Variants in SPMIP2 observed in about 807,000 individuals in gnomAD.
SPMIP2 encodes the protein sperm microtubule inner protein 2.
At chr4:158,999,182 C>CA in the SPMIP2 span, among the ~76,000 whole-genome samples, 2 of 134,484 alleles carry the variant, frequency 1.5e-5, no homozygotes, top group Non-Finnish European at 1.6e-5. Context: ...AAAAAAAAAA[C>CA]AACAAAAAAA....
the SPMIP2 span, among the ~76,000 whole-genome samples, chr4:159,049,992 A>T: frequency 6.6e-6 from 1 of 152,212 alleles, no homozygotes; most frequent in East Asian, 1.9e-4. Context: ...TCTTGATAAC[A>T]TGTCAAGTAA....
chr4:158,990,701 C>T, the SPMIP2 span, among the ~76,000 whole-genome samples: 1 of 152,040 alleles, frequency 6.6e-6, no homozygotes, highest in African/African-American at 2.4e-5. Context: ...CACATGGACA[C>T]AGGCAGGGAA....
the SPMIP2 span, among the ~76,000 whole-genome samples, chr4:158,922,884 G>A: frequency 6.6e-6 from 1 of 152,110 alleles, no homozygotes; most frequent in Non-Finnish European, 1.5e-5. Flanking sequence ...TTCAAGAATT[G>A]TCCATGTTGT....
the SPMIP2 span, among the ~76,000 whole-genome samples, chr4:158,968,270 C>G: frequency 2.0e-5 from 3 of 152,202 alleles, no homozygotes; most frequent in Admixed American, 6.5e-5. Flanking sequence ...CTCAAATAAT[C>G]CATCCTCCTC....
At chr4:158,901,128 A>ATTTTTTTTTTTTTTTTTTTTTTTTTTT in the SPMIP2 span, among the ~76,000 whole-genome samples, 1 of 112,302 alleles carries the variant, frequency 8.9e-6, no homozygotes, top group Non-Finnish European at 1.7e-5. Context: ...CTGGGTTGAA[A>ATTTTTTTTTTTTTTTTTTTTTTTTTTT]TTTTTTTTTT....
chr4:159,080,665 T>C, the SPMIP2 span, among the ~76,000 whole-genome samples: 1 of 152,248 alleles, frequency 6.6e-6, no homozygotes, highest in Non-Finnish European at 1.5e-5. Flanking sequence ...TATGTATATA[T>C]AGCTATACCT....
chr4:158,935,563 C>CA, the SPMIP2 span, among the ~76,000 whole-genome samples: 32 of 151,250 alleles, frequency 2.1e-4, no homozygotes, highest in Non-Finnish European at 3.7e-4. Flanking sequence ...TCTAATGATA[C>CA]AAAAAAAAAG....
chr4:158,924,003 A>C, the SPMIP2 span, among the ~76,000 whole-genome samples: 1 of 152,204 alleles, frequency 6.6e-6, no homozygotes, highest in African/African-American at 2.4e-5. Context: ...CCTTTATCCA[A>C]TAGGACAGGT....
At chr4:158,899,392 C>G in the SPMIP2 span, among the ~76,000 whole-genome samples, 1 of 152,190 alleles carries the variant, frequency 6.6e-6, no homozygotes, top group African/African-American at 2.4e-5. Flanking sequence ...AGAAGTCCCT[C>G]TTTTTCTATT....
the SPMIP2 span, among the ~76,000 whole-genome samples, chr4:159,074,818 C>G: frequency 1.3e-5 from 2 of 152,114 alleles, no homozygotes; most frequent in Non-Finnish European, 1.5e-5. Context: ...CAGAGACCCT[C>G]ATAACATGAG....
chr4:158,946,861 A>T, the SPMIP2 span, among the ~76,000 whole-genome samples: 1 of 152,202 alleles, frequency 6.6e-6, no homozygotes, highest in African/African-American at 2.4e-5. Context: ...TGTCTTGTTC[A>T]CTTCTGAATC....
chr4:159,019,664 G>A, the SPMIP2 span, among the ~76,000 whole-genome samples: 1 of 152,144 alleles, frequency 6.6e-6, no homozygotes, highest in Non-Finnish European at 1.5e-5. Flanking sequence ...AAAGTTCAGT[G>A]TCCTGGGAAT....
At chr4:158,988,114 C>A in the SPMIP2 span, among the ~76,000 whole-genome samples, 1 of 152,122 alleles carries the variant, frequency 6.6e-6, no homozygotes, top group African/African-American at 2.4e-5. Flanking sequence ...CTATAAACAG[C>A]TGTACGCAAA....
At chr4:158,900,006 A>T in the SPMIP2 span, among the ~76,000 whole-genome samples, 699 of 152,302 alleles carry the variant, frequency 4.6e-3, 10 homozygotes, top group Admixed American at 0.018. Context: ...TTCCCTCTAA[A>T]CACTGCTTTA....
the SPMIP2 span, among the ~76,000 whole-genome samples, chr4:158,997,953 G>A: frequency 6.6e-6 from 1 of 152,112 alleles, no homozygotes; most frequent in Non-Finnish European, 1.5e-5. Flanking sequence ...CACTGTGCCT[G>A]GCCTCCATAA....
At chr4:159,067,731 A>C in the SPMIP2 span, among the ~76,000 whole-genome samples, 2 of 152,194 alleles carry the variant, frequency 1.3e-5, no homozygotes, top group Non-Finnish European at 2.9e-5. Flanking sequence ...CAACCTACAG[A>C]ATGGGAGAAA....
At chr4:159,044,841 C>T in the SPMIP2 span, among the ~76,000 whole-genome samples, 6 of 152,212 alleles carry the variant, frequency 3.9e-5, no homozygotes, top group African/African-American at 1.4e-4. Context: ...CCTATGATCC[C>T]AGCACTTTGG....
chr4:159,047,853 T>G, the SPMIP2 span, among the ~76,000 whole-genome samples: 1 of 152,154 alleles, frequency 6.6e-6, no homozygotes, highest in Non-Finnish European at 1.5e-5. Context: ...TGGCCTGAGA[T>G]TCTGTATAAT....
the SPMIP2 span, among the ~76,000 whole-genome samples, chr4:159,025,810 C>T: frequency 1.3e-5 from 2 of 152,090 alleles, no homozygotes; most frequent in Non-Finnish European, 2.9e-5. Context: ...CCCCAAATTA[C>T]AGATTTTTTA....
Sources: gnomAD v4.1 joint callset for allele counts (sites outside exome capture counted in the v4.1 genomes callset) on GRCh38, gnomAD v4.1.1 for gene constraint, MANE v1.5 for transcripts, NCBI Gene and HGNC (gene_info 2026-07-23, HGNC 2026-07-21) for gene names.